The following ABL1 variants were observed in gnomAD, a reference collection of about 807,000 sequenced individuals.
ABL1 encodes the protein tyrosine-protein kinase ABL1.
ABL1 carries 11 observed loss-of-function variants against 94.7 expected under a neutral mutation model. That is an observed-to-expected ratio of 0.12 (90% CI 0.07 to 0.19). The LOEUF is 0.19. Among genes scored for constraint, ABL1 ranks in the 10% least tolerant of loss-of-function variants. ABL1 has a pLI of 1.00. For synonymous variants in ABL1, 656 were observed against 622.4 expected (o/e 1.05, Z -0.80); for missense variants, 1,082 against 1,489.4 (o/e 0.73, Z 4.50).
In ABL1 at chr9:130,878,405, T is replaced by C. The variant is rs1831388527; in HGVS notation, c.1271-10T>C. 1.2e-6 allele frequency: 2 copies of C among 1,613,600 alleles called. No individual in the cohort carries two copies. The highest frequency in any genetic ancestry group is 1.7e-6 in the Non-Finnish European group (2 of 1,179,570). The stretch of plus-strand genomic sequence containing the variant: ...TCTTGAACAGCCTTTCTCTTTCGGT[T>C]TTCTTTCAGCATTTGGAGTATTGCT... On this transcript the variant is annotated splice_polypyrimidine_tract_variant and intron_variant, in intron 7 of 10. Transcript: ENST00000318560.
intron 1 of ABL1, among the ~76,000 whole-genome samples, chr9:130,748,565 A>G (rs1047293962): frequency 6.7e-6 from 1 of 149,344 alleles, no homozygotes; most frequent in African/African-American, 2.4e-5. Context: ...GGCGTGAGCC[A>G]CCATGCCTAG....
chr9:130,828,972 C>A (rs370352406), intron 1 of ABL1, among the ~76,000 whole-genome samples: 2 of 151,652 alleles, frequency 1.3e-5, no homozygotes, highest in East Asian at 3.9e-4. Context: ...TTCAGAACAC[C>A]AAGAATATTA....
chr9:130,733,867 G>C (rs1831700350), intron 1 of ABL1, among the ~76,000 whole-genome samples: 1 of 152,122 alleles, frequency 6.6e-6, no homozygotes, highest in Non-Finnish European at 1.5e-5. Flanking sequence ...TGGGGTTACA[G>C]GTGTGAGCCA....
intron 1 of ABL1, among the ~76,000 whole-genome samples, chr9:130,744,785 A>G (rs1351660625): frequency 1.4e-5 from 2 of 145,744 alleles, no homozygotes; most frequent in Admixed American, 1.4e-4. Flanking sequence ...TGAACCCAGG[A>G]GGCGGAGCTT....
chr9:130,855,896 G>A (rs1418977360), intron 3 of ABL1, among the ~76,000 whole-genome samples: 1 of 151,670 alleles, frequency 6.6e-6, no homozygotes, highest in Non-Finnish European at 1.5e-5. Context: ...GTTGATAGGT[G>A]GTCCCGATGG....
chr9:130,854,021 T>C, intron 1 of ABL1, 43 bp from the exon 2 acceptor site: 1 of 1,552,260 alleles, frequency 6.4e-7, no homozygotes, highest in Non-Finnish European at 8.7e-7. Context: ...CTCCCAATTT[T>C]CTCTTCCTTT....
chr9:130,876,682 A>G (rs1373855661), intron 7 of ABL1, among the ~76,000 whole-genome samples: 1 of 151,010 alleles, frequency 6.6e-6, no homozygotes, highest in African/African-American at 2.4e-5. Flanking sequence ...TGGCCTCCCA[A>G]AGTGCTGGGA....
chr9:130,805,942 T>C (rs1282632970), intron 1 of ABL1, among the ~76,000 whole-genome samples: 1 of 152,202 alleles, frequency 6.6e-6, no homozygotes, highest in African/African-American at 2.4e-5. Flanking sequence ...AATAATCTTA[T>C]TTATAACAAC....
At chr9:130,720,566 T>C (rs552108492) in intron 1 of ABL1, among the ~76,000 whole-genome samples, 2 of 152,208 alleles carry the variant, frequency 1.3e-5, no homozygotes, top group African/African-American at 2.4e-5. Flanking sequence ...AAGGAGAGGG[T>C]GGCCTTATTG....
rs529363857 is a variant in ABL1, at chr9:130,772,248, C to G, written c.136+57793C>G. 8.5e-5 allele frequency among the ~76,000 whole-genome samples: 13 copies of G among 152,300 alleles called. No homozygotes were observed. In the South Asian group the frequency reaches 1.2e-3, roughly 15 times the overall value. On this transcript the variant is annotated intron_variant, in intron 1 of 10. Coordinates refer to the ABL1 transcript ENST00000372348. ...ACTGGTCTGGTCAGCTCACCTGCATCTTTGGTAGAGAGATATCTCCCAAAC... is the reference window on the plus strand; with the variant it reads ...ACTGGTCTGGTCAGCTCACCTGCATGTTTGGTAGAGAGATATCTCCCAAAC...
intron 3 of ABL1, among the ~76,000 whole-genome samples, chr9:130,858,608 A>G (rs1831012925): frequency 6.6e-6 from 1 of 152,128 alleles, no homozygotes; most frequent in Non-Finnish European, 1.5e-5. Flanking sequence ...ATGAGTGAAC[A>G]TCGTTAGAGG....
At chr9:130,821,054 C>T (rs946674573) in intron 1 of ABL1, among the ~76,000 whole-genome samples, 1 of 152,018 alleles carries the variant, frequency 6.6e-6, no homozygotes, top group East Asian at 1.9e-4. Context: ...CTCAGCCTCC[C>T]GAGTATCTGG....
At chr9:130,758,694 A>G (rs1356416690) in intron 1 of ABL1, among the ~76,000 whole-genome samples, 1 of 152,182 alleles carries the variant, frequency 6.6e-6, no homozygotes, top group Non-Finnish European at 1.5e-5. Context: ...CGGCCTCCCA[A>G]AGTGCTGGGA....
chr9:130,713,341 C>G (rs1275477727), exon 1 of ABL1, among the ~76,000 whole-genome samples: 1 of 152,206 alleles, frequency 6.6e-6, no homozygotes, highest in Non-Finnish European at 1.5e-5. Context: ...CCGCGAGAGT[C>G]CTTCGTCCCT....
chr9:130,834,423 CGCCAGTAACACGACT>C (rs935760343), upstream of ABL1, among the ~76,000 whole-genome samples: 3 of 152,052 alleles, frequency 2.0e-5, no homozygotes, highest in Non-Finnish European at 4.4e-5. Context: ...TCTGGGTGTG[CGCCAGTAACACGACT>C]GTGATTGTTG....
Position 130,872,820 on chromosome 9 carries a change from G to A in ABL1, c.908-40G>A. On this transcript the variant is annotated intron_variant, in intron 5 of 10. Coordinates refer to ENST00000318560, the MANE Select transcript of ABL1 (RefSeq NM_005157.6). The surrounding 1 kb of genome is among the most constrained non-coding windows in gnomAD (Gnocchi z 5.0). ...TAGACAGTTGTTTGTTCAGTTGGGA[G>A]CGGAGCCACGTGTTGAAGTCCTCGT... is the stretch of plus-strand genomic sequence containing the variant. The A allele has an allele frequency of 1.9e-6, 3 of 1,582,458 alleles. No homozygotes were observed. Among genetic ancestry groups the A allele is most frequent in the Non-Finnish European group, 2.6e-6 (3 of 1,159,918 alleles).
Position 130,880,640 on chromosome 9 carries a change from C to A in ABL1, c.1654C>A (p.His552Asn). The A allele has an allele frequency of 1.9e-6, 3 of 1,613,756 alleles. No homozygotes were observed. The highest frequency in any genetic ancestry group is 2.5e-6 in the Non-Finnish European group (3 of 1,179,848). ...RDTTDVPEMPHSKGQGESDPL... is the reference protein window; with the variant it reads ...RDTTDVPEMPNSKGQGESDPL... The stretch of plus-strand genomic sequence containing the variant: ...CACCACTGACGTGCCTGAGATGCCT[C>A]ACTCCAAGGGCCAGGGAGAGAGCGG... Residue 552 changes from histidine (H) to asparagine (N), a missense_variant, in exon 10 of 11, where the codon CAC becomes AAC. Transcript: ENST00000318560. This position sits in a 1 kb window ranked among gnomAD's most constrained non-coding sequence, Gnocchi z 4.4.
At chr9:130,784,747 A>G (rs1361788132) in intron 1 of ABL1, among the ~76,000 whole-genome samples, 2 of 152,238 alleles carry the variant, frequency 1.3e-5, no homozygotes, top group South Asian at 2.1e-4. Context: ...TCCTTTTGGT[A>G]CATTCACCCT....
chr9:130,870,847 T>C (rs202120492), intron 4 of ABL1, among the ~76,000 whole-genome samples: 1 of 152,290 alleles, frequency 6.6e-6, no homozygotes, highest in East Asian at 1.9e-4. Context: ...ATAGCCTCAT[T>C]GGTCACGCTT....
Sources: gnomAD v4.1 joint callset for allele counts (sites outside exome capture counted in the v4.1 genomes callset) on GRCh38, gnomAD v4.1.1 for gene constraint, Gnocchi (gnomAD v3.1) non-coding constraint, MANE v1.5 for transcripts, NCBI Gene and HGNC (gene_info 2026-07-23, HGNC 2026-07-21) for gene names.